NEIL3: variants seen among roughly 807,000 people sequenced by gnomAD.
NEIL3 encodes endonuclease 8-like 3.
Under a neutral mutation model 57.5 loss-of-function variants are expected in NEIL3, and 48 were observed. The ratio of observed to expected loss-of-function variants is 0.83; its 90% CI spans 0.66 to 1.06. The LOEUF is 1.06. Among genes scored for constraint, NEIL3 ranks in the 50% least tolerant of loss-of-function variants. The pLI, the probability that NEIL3 is intolerant of heterozygous loss-of-function variation, is 0.00. For missense variants in NEIL3, 717 were observed against 739.1 expected (o/e 0.97, Z 0.35); for synonymous variants, 261 against 253.2 (o/e 1.03, Z -0.29).
At chr4:177,342,247 G>C (rs1420006049) in intron 6 of NEIL3, among the ~76,000 whole-genome samples, 2 of 152,192 alleles carry the variant, frequency 1.3e-5, no homozygotes, top group Non-Finnish European at 2.9e-5. Flanking sequence ...ATTAGTGTCA[G>C]TTCAGAGCCA....
chr4:177,322,283 A>G lies in NEIL3; in HGVS notation c.157-176A>G, dbSNP rs35693312. On this transcript the variant is annotated intron_variant, in intron 1 of 9. Transcript: ENST00000264596. ...TCTCTCTTTAAATGACTGCATAGTG[A>G]TTTGACAAAATGTATGTAAACAGCC... Among the ~76,000 whole-genome samples, 283 of 152,226 alleles carry G rather than the reference A, an allele frequency of 1.9e-3. 2 individuals are homozygous for G. The highest frequency in any genetic ancestry group is 6.7e-3 in the African/African-American group (278 of 41,538).
intron 1 of NEIL3, among the ~76,000 whole-genome samples, chr4:177,319,602 G>A (rs942262495): frequency 5.3e-5 from 8 of 151,902 alleles, no homozygotes; most frequent in African/African-American, 9.7e-5. Flanking sequence ...TATCCCTCAC[G>A]CCCCTCTGTC....
rs542804115 is a variant in NEIL3, at chr4:177,315,037, C to T, written c.156+4928C>T. 6.4e-5 allele frequency among the ~76,000 whole-genome samples: 9 copies of T among 140,636 alleles called. No homozygotes were observed. The South Asian group carries it at 2.0e-3, about 32-fold the overall frequency. The allele number at this position is 140,636 out of a possible 152,430, so 92.3% of individuals were successfully genotyped here. On this transcript the variant is annotated intron_variant, in intron 1 of 9. Transcript: ENST00000264596. ...TGAGCCGAGATCGCGCCACTGCACT[C>T]GAGCCTGGGCAACAGAGCGAGACTC...
At chr4:177,339,630 G>A (rs887422226) in intron 4 of NEIL3, among the ~76,000 whole-genome samples, 153 bp from the exon 5 acceptor site, 2 of 152,182 alleles carry the variant, frequency 1.3e-5, no homozygotes, top group Admixed American at 1.3e-4. Flanking sequence ...CTGCGTATAA[G>A]TGGACCCTCC....
chr4:177,339,704 C>A, intron 4 of NEIL3, 79 bp from the exon 5 acceptor site: 1 of 918,396 alleles, frequency 1.1e-6, no homozygotes, highest in Non-Finnish European at 1.8e-6. Flanking sequence ...TTCTCTTTCA[C>A]AGAATTGGCA....
chr4:177,330,700 G>T (rs1362277264), intron 2 of NEIL3, among the ~76,000 whole-genome samples: 1 of 151,978 alleles, frequency 6.6e-6, no homozygotes, highest in Non-Finnish European at 1.5e-5. Flanking sequence ...TCCAATAGCT[G>T]CATTAACCAA....
In NEIL3 at chr4:177,309,891, G is replaced by C; in HGVS notation, c.-63G>C. 4 of 1,550,058 alleles carry C rather than the reference G, an allele frequency of 2.6e-6. No homozygotes were observed. The highest frequency in any genetic ancestry group is 2.5e-5 in the East Asian group (1 of 40,234). On this transcript the variant is annotated 5_prime_UTR_variant, in exon 1 of 10. Coordinates refer to ENST00000264596, the MANE Select transcript of NEIL3 (RefSeq NM_018248.3). Reference sequence around the variant, plus strand: ...GTGCGGTCAGTGCCCGCGCAGCGTTGAGTTGCACAGCGGTATTCTCACCAG... The same window carrying C: ...GTGCGGTCAGTGCCCGCGCAGCGTTCAGTTGCACAGCGGTATTCTCACCAG...
chr4:177,351,432 C>A lies in NEIL3; in HGVS notation c.922C>A (p.His308Asn), dbSNP rs376062379. Residue 308 changes from histidine to asparagine, a missense_variant, in exon 7 of 10, where the codon CAT (histidine) becomes AAT (asparagine). Physicochemically the swap from His to Asn is moderately conservative, Grantham distance 68. Transcript: ENST00000264596. ...IISWTSSRVD[H>N]VMDSVARKSE... ...CAGTTGGACATCTAGCAGGGTGGAT[C>A]ATGTTATGGACTCCGTGGCTCGGAA... 8 of 1,613,782 alleles carry A rather than the reference C, an allele frequency of 5.0e-6. No individual in the cohort carries two copies. Among genetic ancestry groups the A allele is most frequent in the South Asian group, 1.1e-5 (1 of 91,060 alleles).
chr4:177,352,303 C>T (rs1354053644), intron 7 of NEIL3, among the ~76,000 whole-genome samples: 1 of 152,226 alleles, frequency 6.6e-6, no homozygotes, highest in Admixed American at 6.5e-5. Flanking sequence ...GCTGCATCTC[C>T]TGTTTCCATC....
intron 6 of NEIL3, among the ~76,000 whole-genome samples, chr4:177,347,397 G>GTAACA (rs1735245461): frequency 6.6e-6 from 1 of 152,140 alleles, no homozygotes. Flanking sequence ...AGTAGACTGG[G>GTAACA]GAGCCTTTGG....
intron 1 of NEIL3, among the ~76,000 whole-genome samples, chr4:177,312,632 A>G (rs1734498611): frequency 6.6e-6 from 1 of 152,194 alleles, no homozygotes; most frequent in South Asian, 2.1e-4. Context: ...CTTGGCAGCA[A>G]TATTCAATAA....
At position 177,329,027 on chromosome 4, in the gene NEIL3, T is replaced by C. The variant is rs372253219; in HGVS notation, c.278+6447T>C. 6.2e-4 allele frequency among the ~76,000 whole-genome samples: 94 copies of C among 152,248 alleles called. No individual in the cohort carries two copies. In the East Asian group the frequency reaches 0.018, roughly 28 times the overall value. On this transcript the variant is annotated intron_variant, in intron 2 of 9. Coordinates refer to ENST00000264596, the MANE Select transcript of NEIL3 (RefSeq NM_018248.3). ...ATATCATTTGAAGATTTGCATATCG[T>C]TTGAATATATCACTGAGATAACTTG... is the stretch of plus-strand genomic sequence containing the variant.
At chr4:177,323,789 A>G (rs1330405853) in intron 2 of NEIL3, among the ~76,000 whole-genome samples, 19 of 152,134 alleles carry the variant, frequency 1.2e-4, no homozygotes, top group Admixed American at 1.2e-3. Context: ...CTGTAAGATG[A>G]GAGGGGGTTT....
At chr4:177,324,989 G>GATAGA (rs905459680) in intron 2 of NEIL3, among the ~76,000 whole-genome samples, 3 of 113,948 alleles carry the variant, frequency 2.6e-5, no homozygotes, top group African/African-American at 1.1e-4. Context: ...AGATAGATAA[G>GATAGA]TAAATATATT....
intron 8 of NEIL3, among the ~76,000 whole-genome samples, chr4:177,359,447 G>C (rs1273829306): frequency 1.3e-5 from 2 of 152,066 alleles, no homozygotes; most frequent in African/African-American, 4.8e-5. Flanking sequence ...AATTAGATAT[G>C]ATGCATTGAG....
At position 177,336,257 on chromosome 4, in the gene NEIL3, C is replaced by G. The variant is rs372830444; in HGVS notation, c.563C>G (p.Pro188Arg). The G allele has an allele frequency of 1.2e-6, 2 of 1,614,070 alleles. No homozygotes were observed. The highest frequency in any genetic ancestry group is 2.7e-5 in the African/African-American group (2 of 74,930). Residue 188 changes from proline (P) to arginine (R), a missense_variant, in exon 4 of 10, where the codon CCT becomes CGT. Coordinates refer to ENST00000264596, the MANE Select transcript of NEIL3 (RefSeq NM_018248.3). ...GTGCTAATGGATCAGAACGTATTGC[C>G]TGGAGTAGGGAACATCATCAAAAAT... ...GDVLMDQNVL[P>R]GVGNIIKNEA...
chr4:177,347,199 A>G (rs1458928222), intron 6 of NEIL3, among the ~76,000 whole-genome samples: 2 of 152,036 alleles, frequency 1.3e-5, no homozygotes, highest in African/African-American at 4.8e-5. Flanking sequence ...ACTTGTAGCA[A>G]TCTGAGGGTG....
At chr4:177,341,677 C>T in intron 6 of NEIL3, 35 bp downstream of exon 6, 1 of 1,540,992 alleles carries the variant, frequency 6.5e-7, no homozygotes, top group Non-Finnish European at 8.9e-7. Context: ...ACCATTTGCC[C>T]TAACCATCTA....
chr4:177,369,855 C>T, the NEIL3 span, among the ~76,000 whole-genome samples: 2 of 152,124 alleles, frequency 1.3e-5, no homozygotes, highest in African/African-American at 4.8e-5. Flanking sequence ...AATAAAATAT[C>T]CACGTGAAGG....
Sources: gnomAD v4.1 joint callset for allele counts (sites outside exome capture counted in the v4.1 genomes callset) on GRCh38, gnomAD v4.1.1 for gene constraint, MANE v1.5 for transcripts, NCBI Gene and HGNC (gene_info 2026-07-23, HGNC 2026-07-21) for gene names.